EPHA5: variants seen among roughly 807,000 people sequenced by gnomAD.
The protein encoded by EPHA5 is ephrin type-A receptor 5.
EPHA5 carries 60 observed loss-of-function variants against 105.0 expected under a neutral mutation model. The ratio of observed to expected loss-of-function variants is 0.57; its 90% CI spans 0.46 to 0.71. The LOEUF (loss-of-function observed/expected upper bound fraction) is 0.71, where lower values mean the gene tolerates loss of function less well. Among genes scored for constraint, EPHA5 ranks in the 30% least tolerant of loss-of-function variants. The pLI, the probability that EPHA5 is intolerant of heterozygous loss-of-function variation, is 0.00. For missense variants in EPHA5, 1,218 were observed against 1,274.7 expected (o/e 0.96, Z 0.68); for synonymous variants, 513 against 449.1 (o/e 1.14, Z -1.80).
chr4:65,600,731 T>G (rs1276055546), intron 3 of EPHA5, among the ~76,000 whole-genome samples: 1 of 152,166 alleles, frequency 6.6e-6, no homozygotes, highest in Non-Finnish European at 1.5e-5. Flanking sequence ...CACATCATGA[T>G]GAAAACAAGT....
intron 5 of EPHA5, among the ~76,000 whole-genome samples, chr4:65,446,642 A>C (rs1258740722): frequency 6.6e-6 from 1 of 151,534 alleles, no homozygotes; most frequent in Non-Finnish European, 1.5e-5. Flanking sequence ...TGAATAATGT[A>C]CAGAAATAGT....
At chr4:65,668,841 A>T (rs1345827514) in intron 1 of EPHA5, among the ~76,000 whole-genome samples, 1 of 149,090 alleles carries the variant, frequency 6.7e-6, no homozygotes, top group Non-Finnish European at 1.5e-5. Context: ...TAGCAGCGAC[A>T]CTCCCCCTCA....
intron 3 of EPHA5, among the ~76,000 whole-genome samples, chr4:65,512,954 C>A (rs1293824698): frequency 6.6e-6 from 1 of 151,996 alleles, no homozygotes; most frequent in Non-Finnish European, 1.5e-5. Flanking sequence ...AAGCCAGATG[C>A]GTGATGGCTT....
At chr4:65,341,162 A>T (rs1721680574) in intron 14 of EPHA5, among the ~76,000 whole-genome samples, 1 of 152,226 alleles carries the variant, frequency 6.6e-6, no homozygotes, top group Non-Finnish European at 1.5e-5. Context: ...CCTATGGATT[A>T]TGTCAGTCAT....
intron 5 of EPHA5, among the ~76,000 whole-genome samples, chr4:65,431,336 A>T (rs1323412350): frequency 6.6e-6 from 1 of 152,208 alleles, no homozygotes; most frequent in African/African-American, 2.4e-5. Flanking sequence ...ATATATATTT[A>T]AAATTATGTA....
intron 11 of EPHA5, among the ~76,000 whole-genome samples, chr4:65,354,299 A>G (rs1242157492): frequency 2.0e-5 from 3 of 151,846 alleles, no homozygotes; most frequent in Non-Finnish European, 4.4e-5. Flanking sequence ...ATCTCATTCC[A>G]TATAAAATTG....
intron 3 of EPHA5, among the ~76,000 whole-genome samples, chr4:65,586,946 G>T (rs1396611460): frequency 6.6e-6 from 1 of 152,074 alleles, no homozygotes; most frequent in Non-Finnish European, 1.5e-5. Context: ...TCAGCATGAT[G>T]AATTCATTTA....
chr4:65,385,856 T>C (rs1318679210), intron 8 of EPHA5, among the ~76,000 whole-genome samples: 1 of 151,826 alleles, frequency 6.6e-6, no homozygotes, highest in Non-Finnish European at 1.5e-5. Context: ...ATAATATTTA[T>C]ATTTGTATAA....
intron 3 of EPHA5, among the ~76,000 whole-genome samples, chr4:65,579,358 G>GTATATATATATA (rs71657189): frequency 3.6e-4 from 51 of 142,778 alleles, no homozygotes; most frequent in African/African-American, 1.3e-3. Flanking sequence ...ATGTATGTGT[G>GTATATATATATA]TATATATATA....
At chr4:65,591,827 G>A (rs1411062311) in intron 3 of EPHA5, among the ~76,000 whole-genome samples, 5 of 151,920 alleles carry the variant, frequency 3.3e-5, no homozygotes, top group Non-Finnish European at 7.4e-5. Flanking sequence ...AAATTTTTCA[G>A]ACAGCTTAAC....
chr4:65,467,011 A>G (rs556602154), intron 5 of EPHA5, among the ~76,000 whole-genome samples: 12 of 152,312 alleles, frequency 7.9e-5, no homozygotes, highest in African/African-American at 2.9e-4. Context: ...AGAAAAAGTG[A>G]TAGCCCCTTA....
chr4:65,465,808 G>GA (rs1728661891), intron 5 of EPHA5, among the ~76,000 whole-genome samples: 1 of 151,972 alleles, frequency 6.6e-6, no homozygotes, highest in Admixed American at 6.5e-5. Flanking sequence ...AATTTCCTAA[G>GA]AAAAAAATAC....
rs747090092 is a variant in EPHA5, at chr4:65,322,815, CAT to C, written c.*1297_*1298del. 45 of 226,858 alleles carry C rather than the reference CAT, an allele frequency of 2.0e-4. No individual in the cohort carries two copies. Among genetic ancestry groups the C allele is most frequent in the Non-Finnish European group, 3.2e-4 (37 of 114,162 alleles). 14.1% of individuals were successfully genotyped at this position (226,858 alleles called of 1,614,324 possible). A position where few individuals can be genotyped will look rare whatever the true frequency, so the allele number is the denominator to read the frequency against. On this transcript the variant is annotated 3_prime_UTR_variant, in exon 17 of 17. Coordinates refer to ENST00000613740, the MANE Select transcript of EPHA5 (RefSeq NM_001281766.3). ...AAATAAAATTCTGAAGGGAAATAAGCATATATATATATTTGTGTGTGTGTATG... is the reference window on the plus strand; with the variant it reads ...AAATAAAATTCTGAAGGGAAATAAGCATATATATATTTGTGTGTGTGTATG...
At chr4:65,467,535 G>T (rs1445866265) in intron 5 of EPHA5, among the ~76,000 whole-genome samples, 1 of 152,166 alleles carries the variant, frequency 6.6e-6, no homozygotes, top group Non-Finnish European at 1.5e-5. Context: ...GAGCCAGCCT[G>T]CTGCAGGTTG....
At chr4:65,517,315 G>A (rs914762000) in intron 3 of EPHA5, among the ~76,000 whole-genome samples, 1 of 149,112 alleles carries the variant, frequency 6.7e-6, no homozygotes, top group African/African-American at 2.4e-5. Context: ...TTTTTGCTTG[G>A]TATGTTTTTA....
intron 7 of EPHA5, among the ~76,000 whole-genome samples, chr4:65,407,891 G>T (rs1287584941): frequency 6.6e-6 from 1 of 151,718 alleles, no homozygotes; most frequent in African/African-American, 2.4e-5. Flanking sequence ...GAGTAGCTGG[G>T]ACTACAGGCC....
At chr4:65,505,413 C>T (rs996035703) in intron 3 of EPHA5, among the ~76,000 whole-genome samples, 4 of 152,002 alleles carry the variant, frequency 2.6e-5, no homozygotes, top group African/African-American at 9.7e-5. Flanking sequence ...AAACAAGAAG[C>T]ATCCACTGTC....
Position 65,596,724 on chromosome 4 carries a change from G to T in EPHA5, c.910+4917C>A, listed in dbSNP as rs145357477. Among the ~76,000 whole-genome samples, 840 of 150,298 alleles carry T rather than the reference G, an allele frequency of 5.6e-3. 5 individuals are homozygous for T. Among genetic ancestry groups the T allele is most frequent in the Non-Finnish European group, 8.9e-3 (597 of 67,400 alleles). On this transcript the variant is annotated intron_variant, in intron 3 of 16. Transcript: ENST00000613740. ...CACACACACCAACACAACACACACA[G>T]GCACCATTGATATTCTGTACTTCCA...
intron 3 of EPHA5, among the ~76,000 whole-genome samples, chr4:65,591,684 C>T (rs759915551): frequency 6.6e-6 from 1 of 151,650 alleles, no homozygotes; most frequent in Non-Finnish European, 1.5e-5. Context: ...CTTTTTTTCC[C>T]TAAGTCATGT....
Sources: allele counts gnomAD v4.1 joint callset (sites outside exome capture counted in the v4.1 genomes callset), GRCh38; gene constraint gnomAD v4.1.1; transcripts MANE v1.5; gene names NCBI Gene and HGNC (gene_info 2026-07-23, HGNC 2026-07-21).